The following SGCD variants were observed in gnomAD, a reference collection of about 807,000 sequenced individuals.
SGCD encodes the protein delta-sarcoglycan.
Under a neutral mutation model 36.6 loss-of-function variants are expected in SGCD, and 18 were observed. The observed-to-expected ratio is 0.49, with a 90% CI of 0.34 to 0.73. The LOEUF is 0.73. Among genes scored for constraint, SGCD ranks in the 30% least tolerant of loss-of-function variants. The pLI is 0.01. For missense variants in SGCD, 387 were observed against 346.7 expected (o/e 1.12, Z -0.92); for synonymous variants, 133 against 130.6 (o/e 1.02, Z -0.12).
chr5:155,753,532 T>C, the SGCD span, among the ~76,000 whole-genome samples: 16 of 152,158 alleles, frequency 1.1e-4, no homozygotes, highest in African/African-American at 3.9e-4. Flanking sequence ...ATAATTTCTC[T>C]TGCCTTGCAA....
At chr5:156,185,654 TGGCATCTGACTTTCCCCAA>T (rs1763724804) in intron 3 of SGCD, among the ~76,000 whole-genome samples, 1 of 151,660 alleles carries the variant, frequency 6.6e-6, no homozygotes, top group African/African-American at 2.4e-5. Flanking sequence ...AAGGATAATC[TGGCATCTGACTTTCCCCAA>T]GGAAACCTTG....
rs575748177 is a variant in SGCD at position 156,033,109 on chromosome 5, T to TA, written c.-281-84762dup. On this transcript the variant is annotated intron_variant, in intron 1 of 9. Coordinates refer to the SGCD transcript ENST00000517913. The stretch of plus-strand genomic sequence containing the variant: ...ATAAAATTAAAAATAGAATACTTTA[T>TA]AAAAAAACAAAAAAAAAGAAGCTCA... Among the ~76,000 whole-genome samples the TA allele has an allele frequency of 8.7e-4, 123 of 142,168 alleles. 1 individual carries two copies. Among genetic ancestry groups the TA allele is most frequent in the African/African-American group, 3.2e-3 (116 of 36,260 alleles). 93.3% of individuals were successfully genotyped at this position (142,168 alleles called of 152,430 possible). A position where few individuals can be genotyped will look rare whatever the true frequency, so the allele number is the denominator to read the frequency against.
At chr5:156,063,220 G>A (rs1760275766) in intron 1 of SGCD, among the ~76,000 whole-genome samples, 2 of 12,158 alleles carry the variant, frequency 1.6e-4, no homozygotes, top group Admixed American at 7.5e-4. Flanking sequence ...TTTTTCTCAG[G>A]TTTGTCAAAG....
chr5:156,316,552 A>C lies in SGCD; in HGVS notation c.-43-12982A>C, dbSNP rs1034266290. On this transcript the variant is annotated intron_variant, in intron 3 of 9. Coordinates refer to the SGCD transcript ENST00000517913. ...GCAGCACACTCCCTGATTTCAAATT[A>C]TATTGTAAAGATATTGTAATCAAAA... is the stretch of plus-strand genomic sequence containing the variant. 3.3e-5 allele frequency among the ~76,000 whole-genome samples: 5 copies of C among 152,092 alleles called. No homozygotes were observed. In the South Asian group the frequency reaches 1.0e-3, roughly 31 times the overall value.
chr5:156,674,245 T>C (rs1753420573), intron 7 of SGCD, among the ~76,000 whole-genome samples: 1 of 152,208 alleles, frequency 6.6e-6, no homozygotes, highest in African/African-American at 2.4e-5. Flanking sequence ...TGGCTAATTG[T>C]AAAGCAAGAA....
chr5:156,641,707 A>C (rs1763034057), intron 6 of SGCD, among the ~76,000 whole-genome samples: 1 of 152,136 alleles, frequency 6.6e-6, no homozygotes, highest in Non-Finnish European at 1.5e-5. Flanking sequence ...CTTGGCTTTG[A>C]CTGTCTATTT....
intron 1 of SGCD, among the ~76,000 whole-genome samples, chr5:156,074,410 T>A (rs1229476741): frequency 1.3e-5 from 2 of 151,930 alleles, no homozygotes; most frequent in African/African-American, 4.8e-5. Context: ...AAAAAAAAAT[T>A]GCAAAATTAT....
At chr5:156,718,034 G>A (rs1216681016) in intron 7 of SGCD, among the ~76,000 whole-genome samples, 2 of 152,092 alleles carry the variant, frequency 1.3e-5, no homozygotes, top group African/African-American at 4.8e-5. Context: ...ATTGGTTATA[G>A]TAAAACATCT....
intron 7 of SGCD, among the ~76,000 whole-genome samples, chr5:156,755,983 G>T (rs1233546939): frequency 6.6e-6 from 1 of 152,166 alleles, no homozygotes; most frequent in African/African-American, 2.4e-5. Flanking sequence ...TGGTCAGCTT[G>T]CTCTGTTTGC....
chr5:155,948,531 A>T (rs1441232219), intron 1 of SGCD, among the ~76,000 whole-genome samples: 2 of 152,196 alleles, frequency 1.3e-5, no homozygotes, highest in African/African-American at 4.8e-5. Context: ...AGCAAACTCT[A>T]ATTGGCTTCC....
At chr5:155,760,261 T>C in the SGCD span, among the ~76,000 whole-genome samples, 5,701 of 124,376 alleles carry the variant, frequency 0.046, 328 homozygotes, top group South Asian at 0.13. Flanking sequence ...CTCTCCATCA[T>C]CCTCAGCATC....
chr5:156,484,416 G>T (rs1023316721), intron 3 of SGCD, among the ~76,000 whole-genome samples: 3 of 152,192 alleles, frequency 2.0e-5, no homozygotes, highest in Non-Finnish European at 4.4e-5. Flanking sequence ...CCAAGGTCAT[G>T]TAAGTAATAA....
At chr5:156,741,821 A>G (rs1756689041) in intron 7 of SGCD, among the ~76,000 whole-genome samples, 1 of 152,172 alleles carries the variant, frequency 6.6e-6, no homozygotes, top group African/African-American at 2.4e-5. Flanking sequence ...TACCAGCCAA[A>G]AAGAGACAGT....
the SGCD span, among the ~76,000 whole-genome samples, chr5:155,766,156 C>A: frequency 6.6e-6 from 1 of 152,098 alleles, no homozygotes; most frequent in Non-Finnish European, 1.5e-5. Flanking sequence ...TAACTGTTAT[C>A]ATGAGAGATA....
intron 7 of SGCD, among the ~76,000 whole-genome samples, chr5:156,723,926 T>C (rs1755639805): frequency 6.6e-6 from 1 of 152,108 alleles, no homozygotes; most frequent in Non-Finnish European, 1.5e-5. Flanking sequence ...AAGAGATCAC[T>C]CTTTCTGCAA....
At chr5:156,400,635 G>T (rs1185802771) in intron 3 of SGCD, among the ~76,000 whole-genome samples, 1 of 152,210 alleles carries the variant, frequency 6.6e-6, no homozygotes, top group Admixed American at 6.5e-5. Flanking sequence ...AACAGTTTAT[G>T]TATGAAATCA....
At chr5:156,623,029 C>CAT in intron 6 of SGCD, among the ~76,000 whole-genome samples, 1 of 151,990 alleles carries the variant, frequency 6.6e-6, no homozygotes. Flanking sequence ...CACAAATATA[C>CAT]ATATATATTT....
the SGCD span, among the ~76,000 whole-genome samples, chr5:155,829,800 A>G: frequency 6.6e-6 from 1 of 152,196 alleles, no homozygotes; most frequent in Non-Finnish European, 1.5e-5. Context: ...ATAGTTTCAT[A>G]CAAAAGTATT....
chr5:156,337,609 A>T (rs1053782322), intron 2 of SGCD, among the ~76,000 whole-genome samples: 1 of 152,130 alleles, frequency 6.6e-6, no homozygotes, highest in African/African-American at 2.4e-5. Flanking sequence ...ATGACCTTCC[A>T]TGACCAGAGT....
Sources: gnomAD v4.1 joint callset for allele counts (sites outside exome capture counted in the v4.1 genomes callset) on GRCh38, gnomAD v4.1.1 for gene constraint, MANE v1.5 for transcripts, NCBI Gene and HGNC (gene_info 2026-07-23, HGNC 2026-07-21) for gene names.